Variants in TBL1XR1 observed in about 807,000 individuals in gnomAD.
TBL1XR1 encodes TBL1X/Y related 1, also known as F-box-like/WD repeat-containing protein TBL1XR1.
In TBL1XR1, 5 loss-of-function variants were observed where a neutral mutation model predicts 66.9. That is an observed-to-expected ratio of 0.07 (90% CI 0.04 to 0.16). TBL1XR1 has a LOEUF of 0.16. TBL1XR1 is among the 10% of genes least tolerant of loss of function. TBL1XR1 has a pLI of 1.00. For synonymous variants in TBL1XR1, 210 were observed against 206.0 expected (o/e 1.02, Z -0.17); for missense variants, 238 against 623.2 (o/e 0.38, Z 6.58).
intron 2 of TBL1XR1, among the ~76,000 whole-genome samples, chr3:177,076,426 C>T (rs1181511613): frequency 1.3e-5 from 2 of 152,178 alleles, no homozygotes; most frequent in South Asian, 2.1e-4. Context: ...TAAGGTATTA[C>T]GATCTACCTA....
At chr3:177,068,048 T>G (rs1719400170) in intron 2 of TBL1XR1, among the ~76,000 whole-genome samples, 1 of 152,226 alleles carries the variant, frequency 6.6e-6, no homozygotes, top group African/African-American at 2.4e-5. Flanking sequence ...ATCCAGTCTT[T>G]ACACTTCACC....
At chr3:177,094,793 T>C (rs1304942893) in intron 2 of TBL1XR1, among the ~76,000 whole-genome samples, 1 of 151,562 alleles carries the variant, frequency 6.6e-6, no homozygotes, top group African/African-American at 2.4e-5. Flanking sequence ...AGCATAAGAA[T>C]ATACAATGGA....
chr3:177,127,995 G>C (rs9839643), intron 1 of TBL1XR1, among the ~76,000 whole-genome samples: 5 of 152,180 alleles, frequency 3.3e-5, no homozygotes, highest in Non-Finnish European at 4.4e-5. Flanking sequence ...GAAGCAAGCA[G>C]ATCACTTGAG....
upstream of TBL1XR1, among the ~76,000 whole-genome samples, chr3:177,201,360 G>A (rs1267767939): frequency 2.9e-5 from 4 of 139,582 alleles, no homozygotes; most frequent in African/African-American, 8.1e-5. Context: ...GCAGTGAGCC[G>A]AGATCTTGCC....
At chr3:177,148,123 T>G (rs1261402066) in intron 1 of TBL1XR1, among the ~76,000 whole-genome samples, 1 of 152,260 alleles carries the variant, frequency 6.6e-6, no homozygotes, top group Non-Finnish European at 1.5e-5. Flanking sequence ...GAAGAATCAA[T>G]TTTAGGATCT....
chr3:177,158,506 C>T (rs1577341567), intron 1 of TBL1XR1, among the ~76,000 whole-genome samples: 1 of 151,996 alleles, frequency 6.6e-6, no homozygotes, highest in Non-Finnish European at 1.5e-5. Context: ...GGATTACCGG[C>T]GTGAACCACC....
rs760053883 is a variant in TBL1XR1 at position 177,034,155 on chromosome 3, T to A, written c.1250+43A>T. 11 of 1,562,080 alleles carry A rather than the reference T, an allele frequency of 7.0e-6. No homozygotes were observed. The African/African-American group carries it at 1.5e-4, about 22-fold the overall frequency. ...CTGTCATATCTATTGGAAGTCTGAT[T>A]TGTAGAAGACTCATAAAAGGAAAAA... On this transcript the variant is annotated intron_variant, in intron 13 of 15. Coordinates refer to ENST00000457928, the MANE Select transcript of TBL1XR1 (RefSeq NM_024665.7).
intron 1 of TBL1XR1, among the ~76,000 whole-genome samples, chr3:177,190,027 G>A (rs1319788886): frequency 6.6e-6 from 1 of 151,394 alleles, no homozygotes; most frequent in African/African-American, 2.4e-5. Flanking sequence ...CAGCTACTGG[G>A]GAGGCTGAAG....
intron 1 of TBL1XR1, among the ~76,000 whole-genome samples, chr3:177,102,432 T>C (rs1044039761): frequency 4.6e-5 from 7 of 152,236 alleles, no homozygotes; most frequent in Admixed American, 3.3e-4. Context: ...CATTTACCTA[T>C]GTCCTAGCCA....
At chr3:177,139,685 AAG>A (rs1451935189) in intron 1 of TBL1XR1, among the ~76,000 whole-genome samples, 5 of 152,118 alleles carry the variant, frequency 3.3e-5, no homozygotes, top group Non-Finnish European at 5.9e-5. Flanking sequence ...AAAAAAGAAA[AAG>A]AAAATTTGAC....
At chr3:177,112,585 T>A (rs893162663) in intron 1 of TBL1XR1, among the ~76,000 whole-genome samples, 4 of 152,200 alleles carry the variant, frequency 2.6e-5, no homozygotes, top group African/African-American at 9.7e-5. Context: ...ACACTCAGTA[T>A]CATTTAAATC....
intron 4 of TBL1XR1, among the ~76,000 whole-genome samples, chr3:177,053,077 G>A (rs1482897147): frequency 1.3e-5 from 2 of 152,132 alleles, no homozygotes; most frequent in African/African-American, 2.4e-5. Flanking sequence ...ACTCCAGCCT[G>A]GGCAACAGAG....
chr3:177,150,010 T>G (rs929552155), intron 1 of TBL1XR1, among the ~76,000 whole-genome samples: 2 of 152,218 alleles, frequency 1.3e-5, no homozygotes, highest in African/African-American at 4.8e-5. Flanking sequence ...TTATCTACTT[T>G]GAGAACATGC....
intron 1 of TBL1XR1, among the ~76,000 whole-genome samples, chr3:177,118,579 T>C (rs1418344809): frequency 6.6e-6 from 1 of 152,226 alleles, no homozygotes; most frequent in Non-Finnish European, 1.5e-5. Flanking sequence ...AGAATCCATT[T>C]GTGAATTCCC....
chr3:177,108,699 C>T (rs1335704310), intron 1 of TBL1XR1, among the ~76,000 whole-genome samples: 2 of 152,006 alleles, frequency 1.3e-5, no homozygotes, highest in African/African-American at 2.4e-5. Context: ...AATCAACTCC[C>T]TAAGCAAAAA....
intron 1 of TBL1XR1, chr3:177,171,362 A>T (rs938794875): frequency 2.6e-5 from 4 of 151,710 alleles, no homozygotes; most frequent in Admixed American, 2.6e-4. Context: ...ACATACATAC[A>T]CACATAAAAT....
chr3:177,051,431 A>G, intron 5 of TBL1XR1, 73 bp downstream of exon 5: 4 of 1,371,918 alleles, frequency 2.9e-6, no homozygotes, highest in Non-Finnish European at 3.9e-6. Context: ...CTGCACATGT[A>G]CCCCGAATTA....
intron 7 of TBL1XR1, among the ~76,000 whole-genome samples, chr3:177,048,611 T>C (rs772733025): frequency 1.1e-4 from 17 of 152,302 alleles, no homozygotes; most frequent in Middle Eastern, 6.8e-3. Context: ...TCCTACACAA[T>C]GTCAAGTTTC....
intron 1 of TBL1XR1, among the ~76,000 whole-genome samples, chr3:177,147,629 G>C (rs1413251975): frequency 1.3e-5 from 2 of 152,172 alleles, no homozygotes; most frequent in Non-Finnish European, 2.9e-5. Flanking sequence ...TCTAGCAAAA[G>C]AAATAGTCTT....
Sources: allele counts gnomAD v4.1 joint callset (sites outside exome capture counted in the v4.1 genomes callset), GRCh38; gene constraint gnomAD v4.1.1; transcripts MANE v1.5; gene names NCBI Gene and HGNC (gene_info 2026-07-23, HGNC 2026-07-21).